The following PLCXD3 variants were observed in gnomAD, a reference collection of about 807,000 sequenced individuals.
PLCXD3 encodes PI-PLC X domain-containing protein 3.
PLCXD3 carries 19 observed loss-of-function variants against 25.5 expected under a neutral mutation model. The ratio of observed to expected loss-of-function variants is 0.75; its 90% CI spans 0.52 to 1.09. The LOEUF (loss-of-function observed/expected upper bound fraction) is 1.09, where lower values mean the gene tolerates loss of function less well. Ranked by LOEUF, PLCXD3 falls within the 50% of genes least tolerant of loss-of-function variation. PLCXD3 has a pLI of 0.00. For synonymous variants in PLCXD3, 174 were observed against 137.6 expected (o/e 1.26, Z -1.85); for missense variants, 411 against 388.1 (o/e 1.06, Z -0.50).
intron 1 of PLCXD3, among the ~76,000 whole-genome samples, chr5:41,490,176 G>A (rs946675340): frequency 6.6e-6 from 1 of 152,136 alleles, no homozygotes; most frequent in Non-Finnish European, 1.5e-5. Context: ...GGCCTTTTCT[G>A]CATCTATTGA....
intron 2 of PLCXD3, among the ~76,000 whole-genome samples, chr5:41,313,995 G>A (rs924843263): frequency 1.3e-5 from 2 of 152,066 alleles, no homozygotes; most frequent in African/African-American, 2.4e-5. Flanking sequence ...TTCTCATCTC[G>A]GCAGATCCCA....
intron 1 of PLCXD3, among the ~76,000 whole-genome samples, chr5:41,474,952 A>G (rs1264940751): frequency 2.0e-5 from 3 of 152,154 alleles, no homozygotes; most frequent in South Asian, 4.1e-4. Context: ...TGCAATCCGC[A>G]TTTGCATTCT....
chr5:41,485,094 C>T (rs771762307), intron 1 of PLCXD3, among the ~76,000 whole-genome samples: 11 of 152,124 alleles, frequency 7.2e-5, no homozygotes, highest in African/African-American at 2.7e-4. Context: ...AGGTGTTAAG[C>T]ATTGTCCTAA....
At chr5:41,486,470 T>C (rs1268885515) in intron 1 of PLCXD3, among the ~76,000 whole-genome samples, 2 of 152,120 alleles carry the variant, frequency 1.3e-5, no homozygotes, top group African/African-American at 4.8e-5. Context: ...ATCAGAGAAG[T>C]TCAGTGCTAG....
At chr5:41,410,297 G>T (rs185544804) in intron 1 of PLCXD3, among the ~76,000 whole-genome samples, 1 of 151,462 alleles carries the variant, frequency 6.6e-6, no homozygotes, top group Non-Finnish European at 1.5e-5. Context: ...GCGCCCCCAC[G>T]CCTGGCTAAT....
At chr5:41,435,359 A>C (rs1368448712) in intron 1 of PLCXD3, among the ~76,000 whole-genome samples, 1 of 152,226 alleles carries the variant, frequency 6.6e-6, no homozygotes, top group Non-Finnish European at 1.5e-5. Context: ...AAACATACTT[A>C]GATAACTCAG....
chr5:41,421,560 G>T (rs1333151107), intron 1 of PLCXD3, among the ~76,000 whole-genome samples: 1 of 152,110 alleles, frequency 6.6e-6, no homozygotes, highest in Non-Finnish European at 1.5e-5. Flanking sequence ...AATTAACCGG[G>T]CGCGGTGGCG....
intron 1 of PLCXD3, among the ~76,000 whole-genome samples, chr5:41,482,413 G>C (rs1397791369): frequency 2.0e-5 from 3 of 152,152 alleles, no homozygotes; most frequent in Non-Finnish European, 4.4e-5. Flanking sequence ...ACAAATCTAG[G>C]AAGAGAGTTT....
At chr5:41,439,076 C>A (rs186956497) in intron 1 of PLCXD3, among the ~76,000 whole-genome samples, 5 of 152,332 alleles carry the variant, frequency 3.3e-5, no homozygotes, top group African/African-American at 1.2e-4. Context: ...CTCACGGACA[C>A]TTCCTGATAT....
chr5:41,399,526 C>A (rs886566059), intron 1 of PLCXD3, among the ~76,000 whole-genome samples: 1 of 151,918 alleles, frequency 6.6e-6, no homozygotes, highest in African/African-American at 2.4e-5. Context: ...AATAGAGAAC[C>A]CAGAAACAAC....
At chr5:41,386,531 G>C (rs1163372766) in intron 1 of PLCXD3, among the ~76,000 whole-genome samples, 1 of 151,970 alleles carries the variant, frequency 6.6e-6, no homozygotes, top group East Asian at 1.9e-4. Flanking sequence ...TATTTTTCTT[G>C]TGACTATGTC....
chr5:41,478,017 T>G (rs1451447752), intron 1 of PLCXD3, among the ~76,000 whole-genome samples: 3 of 152,194 alleles, frequency 2.0e-5, no homozygotes, highest in African/African-American at 7.2e-5. Flanking sequence ...GTTGCATGGC[T>G]TAGGGACATA....
intron 2 of PLCXD3, among the ~76,000 whole-genome samples, chr5:41,381,344 G>A (rs1366517692): frequency 6.6e-6 from 1 of 152,116 alleles, no homozygotes; most frequent in Non-Finnish European, 1.5e-5. Flanking sequence ...CCTAACCCCT[G>A]CTACATGTGA....
chr5:41,375,011 TC>T (rs1745244423), intron 2 of PLCXD3, among the ~76,000 whole-genome samples: 1 of 152,004 alleles, frequency 6.6e-6, no homozygotes, highest in South Asian at 2.1e-4. Context: ...CTGAAAAACT[TC>T]CAAGAGACTA....
intron 1 of PLCXD3, among the ~76,000 whole-genome samples, chr5:41,458,670 A>G (rs969523233): frequency 6.6e-6 from 1 of 152,068 alleles, no homozygotes; most frequent in East Asian, 1.9e-4. Flanking sequence ...TCCCATGGAA[A>G]TCTGAATGCT....
chr5:41,501,284 A>C (rs576723055), intron 1 of PLCXD3, among the ~76,000 whole-genome samples: 1 of 152,050 alleles, frequency 6.6e-6, no homozygotes, highest in African/African-American at 2.4e-5. Flanking sequence ...TATCGTTCAC[A>C]ATCAAAATGT....
rs561904785 is a variant in PLCXD3, at chr5:41,483,964, A to G, written c.103+26460T>C. Reference sequence around the variant, plus strand: ...TCTCATACATATTTTTAAAGGCTCCAAATGCATTAATGTAGAATTCCTCTC... The same window carrying G: ...TCTCATACATATTTTTAAAGGCTCCGAATGCATTAATGTAGAATTCCTCTC... On this transcript the variant is annotated intron_variant, in intron 1 of 2. Coordinates refer to ENST00000377801, the MANE Select transcript of PLCXD3 (RefSeq NM_001005473.3). Among the ~76,000 whole-genome samples, 100 of 152,184 alleles carry G rather than the reference A, an allele frequency of 6.6e-4. 1 individual carries two copies. The South Asian group carries it at 0.019, about 30-fold the overall frequency.
At position 41,436,658 on chromosome 5, in the gene PLCXD3, C is replaced by T. The variant is rs1011945617; in HGVS notation, c.104-54124G>A. Among the ~76,000 whole-genome samples the T allele has an allele frequency of 6.6e-5, 10 of 152,232 alleles. No homozygotes were observed. In the South Asian group the frequency reaches 1.9e-3, roughly 28 times the overall value. On this transcript the variant is annotated intron_variant, in intron 1 of 2. Transcript: ENST00000377801. Reference sequence around the variant, plus strand: ...CTGAAGTCTTTCAATGCAACAAAACCACCACCTACTAAGCACTTAGCAGGT... The same window carrying T: ...CTGAAGTCTTTCAATGCAACAAAACTACCACCTACTAAGCACTTAGCAGGT...
chr5:41,445,978 G>A (rs1452400427), intron 1 of PLCXD3, among the ~76,000 whole-genome samples: 2 of 151,816 alleles, frequency 1.3e-5, no homozygotes, highest in East Asian at 3.9e-4. Flanking sequence ...ACGAGGTCAG[G>A]GGATCGAGAC....
Sources: gnomAD v4.1 joint callset for allele counts (sites outside exome capture counted in the v4.1 genomes callset) on GRCh38, gnomAD v4.1.1 for gene constraint, MANE v1.5 for transcripts, NCBI Gene and HGNC (gene_info 2026-07-23, HGNC 2026-07-21) for gene names.